Variants in NETO2 observed in about 807,000 individuals in gnomAD.
NETO2 encodes neuropilin and tolloid like 2.
Under a neutral mutation model 62.5 loss-of-function variants are expected in NETO2, and 28 were observed. The ratio of observed to expected loss-of-function variants is 0.45; its 90% CI spans 0.33 to 0.61. The LOEUF (loss-of-function observed/expected upper bound fraction) is 0.61. Among genes scored for constraint, NETO2 ranks in the 20% least tolerant of loss-of-function variants. NETO2 has a pLI of 0.02. For synonymous variants in NETO2, 214 were observed against 219.1 expected, an observed-to-expected ratio of 0.98 and a Z score of 0.21; for missense variants, 548 against 643.2, an observed-to-expected ratio of 0.85 and a Z score of 1.60.
At chr16:47,094,416 CTTATTTAT>C (rs962011848) in intron 7 of NETO2, among the ~76,000 whole-genome samples, 3 of 149,520 alleles carry the variant, frequency 2.0e-5, no homozygotes, top group South Asian at 2.1e-4. Flanking sequence ...TATTTATTTA[CTTATTTAT>C]TTATTTATTT....
intron 7 of NETO2, among the ~76,000 whole-genome samples, chr16:47,106,287 A>G (rs568271809): frequency 1.6e-4 from 25 of 152,314 alleles, no homozygotes; most frequent in African/African-American, 6.0e-4. Context: ...AATAGAGGTT[A>G]CCAGGGTAGG....
At chr16:47,135,932 A>C (rs1313424646) in intron 1 of NETO2, among the ~76,000 whole-genome samples, 7 of 152,200 alleles carry the variant, frequency 4.6e-5, no homozygotes, top group Non-Finnish European at 1.0e-4. Context: ...AAGGGAAGAA[A>C]GTAAAACTAA....
chr16:47,099,508 G>A (rs927421615), intron 7 of NETO2, among the ~76,000 whole-genome samples: 16 of 152,148 alleles, frequency 1.1e-4, no homozygotes, highest in Admixed American at 8.5e-4. Context: ...ATTAAAAGAC[G>A]CAGACTGGCA....
chr16:47,089,350 GT>G (rs1343633279), intron 7 of NETO2, among the ~76,000 whole-genome samples: 2 of 152,162 alleles, frequency 1.3e-5, no homozygotes, highest in African/African-American at 4.8e-5. Flanking sequence ...TCTATTATCA[GT>G]TAATCCACAT....
intron 7 of NETO2, among the ~76,000 whole-genome samples, chr16:47,089,718 T>TTACAAAATTAGC (rs1001361665): frequency 2.0e-5 from 3 of 152,164 alleles, no homozygotes. Context: ...TTTATTCACT[T>TTACAAAATTAGC]TACAAAATTA....
chr16:47,094,696 G>A (rs1322634248), intron 7 of NETO2, among the ~76,000 whole-genome samples: 1 of 148,138 alleles, frequency 6.8e-6, no homozygotes, highest in Non-Finnish European at 1.5e-5. Flanking sequence ...AAAGTGCTGG[G>A]ATTACAGGCA....
intron 7 of NETO2, among the ~76,000 whole-genome samples, chr16:47,091,202 T>C (rs1002524144): frequency 2.6e-5 from 4 of 152,218 alleles, no homozygotes; most frequent in African/African-American, 9.6e-5. Context: ...TTCTTCTTTT[T>C]CTTGGGTAAT....
At position 47,083,524 on chromosome 16, in the gene NETO2, C is replaced by G; in HGVS notation, c.1275G>C (p.Met425Ile). 1 of 1,614,202 alleles carries G rather than the reference C, an allele frequency of 6.2e-7. No homozygotes were observed. Among genetic ancestry groups the G allele is most frequent in the Admixed American group, 1.7e-5 (1 of 60,024 alleles). ...AGCGGGAGGCGGTGGAGGAGCGCCG[C>G]ATCTTCTGGTAGTTGTCCAATTCTT... ...LSEELDNYQKMRRSSTASRCI... is the reference protein window; with the variant it reads ...LSEELDNYQKIRRSSTASRCI... The change falls in exon 9 of 9, where the codon ATG (methionine) becomes ATC (isoleucine). Residue 425 changes from methionine to isoleucine, a missense_variant. Met to Ile is a conservative substitution (Grantham distance 10, BLOSUM62 1). Coordinates refer to ENST00000562435, the MANE Select transcript of NETO2 (RefSeq NM_018092.5).
At chr16:47,132,305 A>G (rs1158406451) in intron 1 of NETO2, among the ~76,000 whole-genome samples, 1 of 152,148 alleles carries the variant, frequency 6.6e-6, no homozygotes, top group Non-Finnish European at 1.5e-5. Context: ...TTGTTTAAAA[A>G]AAAAAAAACA....
chr16:47,088,451 A>G (rs1963244489), intron 7 of NETO2, among the ~76,000 whole-genome samples: 1 of 152,232 alleles, frequency 6.6e-6, no homozygotes, highest in Admixed American at 6.5e-5. Flanking sequence ...ATTGGACAAA[A>G]TGTATTTCCT....
chr16:47,087,517 G>C (rs984884523), intron 7 of NETO2, among the ~76,000 whole-genome samples: 24 of 152,106 alleles, frequency 1.6e-4, no homozygotes, highest in African/African-American at 5.8e-4. Flanking sequence ...TCTGAATATG[G>C]ATAGTGGTAA....
chr16:47,115,714 C>CATATATATATATATATATATATATGTGT (rs918750034), intron 6 of NETO2, among the ~76,000 whole-genome samples: 1 of 128,504 alleles, frequency 7.8e-6, no homozygotes, highest in African/African-American at 3.5e-5. Flanking sequence ...TATATATATA[C>CATATATATATATATATATATATATGTGT]ATATATATAT....
At chr16:47,124,008 T>C (rs1166212553) in intron 4 of NETO2, among the ~76,000 whole-genome samples, 1 of 152,234 alleles carries the variant, frequency 6.6e-6, no homozygotes, top group Non-Finnish European at 1.5e-5. Flanking sequence ...GGAAAATCTA[T>C]TTCAATACGC....
Position 47,083,355 on chromosome 16 carries a change from T to C in NETO2, c.1444A>G (p.Ser482Gly). Residue 482 changes from serine to glycine, a missense_variant, in exon 9 of 9, where the codon AGT (serine) becomes GGT (glycine). Transcript: ENST00000562435. The part of the protein sequence containing the change: ...KTFNSTFKKS[S>G]YTFKQGHECP... ...TCATGTCCCTGTTTGAAAGTGTAAC[T>C]ACTTTTCTTGAAGGTGCTATTAAAT... is the stretch of plus-strand genomic sequence containing the variant. 1 of 1,614,242 alleles carries C rather than the reference T, an allele frequency of 6.2e-7. No individual in the cohort carries two copies. Among genetic ancestry groups the C allele is most frequent in the South Asian group, 1.1e-5 (1 of 91,088 alleles).
intron 7 of NETO2, among the ~76,000 whole-genome samples, chr16:47,105,018 C>A (rs1019491438): frequency 7.0e-6 from 1 of 143,242 alleles, no homozygotes; most frequent in Non-Finnish European, 1.5e-5. Context: ...CTGTGCCTGG[C>A]CTTTTTTTTT....
At chr16:47,130,371 C>A (rs921523987) in intron 2 of NETO2, among the ~76,000 whole-genome samples, 1 of 151,984 alleles carries the variant, frequency 6.6e-6, no homozygotes, top group Non-Finnish European at 1.5e-5. Context: ...AGTTAACGAT[C>A]AGTTTTTAGT....
chr16:47,124,764 C>A (rs1421361104), intron 4 of NETO2, among the ~76,000 whole-genome samples: 2 of 152,196 alleles, frequency 1.3e-5, no homozygotes, highest in East Asian at 3.8e-4. Flanking sequence ...ATCACTTAAT[C>A]TGACTCAGTT....
chr16:47,129,446 T>C (rs574665210), intron 2 of NETO2, 82 bp from the exon 3 acceptor site: 4 of 1,382,732 alleles, frequency 2.9e-6, no homozygotes, highest in Admixed American at 3.4e-5. Flanking sequence ...TTCCAAACGA[T>C]TGCTCACTCT....
At chr16:47,142,610 C>T (rs892857154) in intron 1 of NETO2, among the ~76,000 whole-genome samples, 11 of 152,182 alleles carry the variant, frequency 7.2e-5, no homozygotes, top group Non-Finnish European at 1.5e-4. Flanking sequence ...ACAAACACGT[C>T]AGCTTTCAAT....
Sources: allele counts gnomAD v4.1 joint callset (sites outside exome capture counted in the v4.1 genomes callset), GRCh38; gene constraint gnomAD v4.1.1; transcripts MANE v1.5; gene names NCBI Gene and HGNC (gene_info 2026-07-23, HGNC 2026-07-21).